The following TMEM135 variants were observed in gnomAD, a reference collection of about 807,000 sequenced individuals.
The protein encoded by TMEM135 is transmembrane protein 135, also known as peroxisomal membrane protein 52.
In TMEM135, 30 loss-of-function variants were observed where a neutral mutation model predicts 60.3. The ratio of observed to expected loss-of-function variants is 0.50; its 90% CI spans 0.37 to 0.68. TMEM135 has a LOEUF of 0.68. Ranked by LOEUF, TMEM135 falls within the 30% of genes least tolerant of loss-of-function variation. The probability of loss-of-function intolerance (pLI) is 0.00; values close to 1 mark genes in which losing one functional copy is unlikely to be tolerated. For synonymous variants in TMEM135, 190 were observed against 186.7 expected, an observed-to-expected ratio of 1.02 and a Z score of -0.14; for missense variants, 468 against 548.8, an observed-to-expected ratio of 0.85 and a Z score of 1.47.
chr11:87,324,395 C>T lies in TMEM135; in HGVS notation c.*3062C>T. Reference sequence around the variant, plus strand: ...TTTTGGAGCAGAGAAATTATTAGCCCAGAGATTCCTTAAATTCTCCGTGTG... The same window carrying T: ...TTTTGGAGCAGAGAAATTATTAGCCTAGAGATTCCTTAAATTCTCCGTGTG... On this transcript the variant is annotated 3_prime_UTR_variant, in exon 15 of 15. Transcript: ENST00000305494. 1 of 453,850 alleles carries T rather than the reference C, an allele frequency of 2.2e-6. No individual in the cohort carries two copies. 28.1% of individuals were successfully genotyped at this position (453,850 alleles called of 1,614,324 possible).
intron 6 of TMEM135, among the ~76,000 whole-genome samples, chr11:87,274,596 A>G (rs1256159643): frequency 6.6e-6 from 1 of 152,194 alleles, no homozygotes; most frequent in Non-Finnish European, 1.5e-5. Flanking sequence ...GTAGGAGTGA[A>G]TGAACTCTTG....
chr11:87,110,476 T>C (rs149113752), intron 4 of TMEM135, among the ~76,000 whole-genome samples: 9 of 151,718 alleles, frequency 5.9e-5, no homozygotes, highest in Admixed American at 5.9e-4. Flanking sequence ...AAAAAAAAAT[T>C]GAATCCTGGT....
intron 1 of TMEM135, 102 bp downstream of exon 1, chr11:87,038,288 C>A: frequency 1.8e-6 from 2 of 1,117,462 alleles, no homozygotes; most frequent in Non-Finnish European, 2.5e-6. Context: ...TGCCTTGTGT[C>A]GGGCTCTCTT....
intron 5 of TMEM135, among the ~76,000 whole-genome samples, chr11:87,196,181 C>G (rs576905343): frequency 2.6e-5 from 4 of 152,122 alleles, no homozygotes; most frequent in African/African-American, 9.6e-5. Flanking sequence ...ATATTTGTGA[C>G]AGATTTTGGG....
At chr11:87,197,579 A>G (rs1326937261) in intron 5 of TMEM135, among the ~76,000 whole-genome samples, 2 of 150,482 alleles carry the variant, frequency 1.3e-5, no homozygotes, top group East Asian at 1.9e-4. Context: ...GGACTTTCCA[A>G]TTCTGTTAAA....
At chr11:87,118,366 G>T (rs190771073) in intron 4 of TMEM135, among the ~76,000 whole-genome samples, 4 of 152,160 alleles carry the variant, frequency 2.6e-5, no homozygotes, top group Admixed American at 1.3e-4. Flanking sequence ...CCAATGTAAG[G>T]CTCCTTTGTC....
intron 4 of TMEM135, among the ~76,000 whole-genome samples, chr11:87,128,125 T>A (rs1937789904): frequency 6.6e-6 from 1 of 152,222 alleles, no homozygotes; most frequent in African/African-American, 2.4e-5. Context: ...AATAGTGGTA[T>A]GGTCTAGTAA....
At chr11:87,098,703 T>A (rs1320235700) in intron 4 of TMEM135, among the ~76,000 whole-genome samples, 1 of 152,012 alleles carries the variant, frequency 6.6e-6, no homozygotes, top group African/African-American at 2.4e-5. Context: ...ATATATATTT[T>A]TTTGAGATGG....
At chr11:87,168,514 T>C (rs1382740823) in intron 5 of TMEM135, among the ~76,000 whole-genome samples, 1 of 152,210 alleles carries the variant, frequency 6.6e-6, no homozygotes, top group Non-Finnish European at 1.5e-5. Context: ...GTCTTTGTTC[T>C]CATTGGTTTC....
rs1009102507 is a variant in TMEM135, at chr11:87,322,214, G to T, written c.*881G>T. The T allele has an allele frequency of 2.2e-6, 1 of 454,220 alleles. No individual in the cohort carries two copies. Among genetic ancestry groups the T allele is most frequent in the Non-Finnish European group, 4.4e-6 (1 of 226,738 alleles). 28.1% of individuals were successfully genotyped at this position (454,220 alleles called of 1,614,324 possible). ...ATAGCTCAGTTTATATGCCATTGTT[G>T]TATTAGAAGGGATCAAAATCCTATG... On this transcript the variant is annotated 3_prime_UTR_variant, in exon 15 of 15. Coordinates refer to ENST00000305494, the MANE Select transcript of TMEM135 (RefSeq NM_022918.4).
At chr11:87,070,113 C>T (rs2135140347) in intron 2 of TMEM135, among the ~76,000 whole-genome samples, 1 of 152,108 alleles carries the variant, frequency 6.6e-6, no homozygotes, top group East Asian at 1.9e-4. Flanking sequence ...TTTCGGGCTA[C>T]AGTGAACCAT....
chr11:87,316,281 T>TGAGAGA (rs201255812), intron 12 of TMEM135, among the ~76,000 whole-genome samples: 3 of 150,970 alleles, frequency 2.0e-5, no homozygotes, highest in Admixed American at 6.6e-5. Flanking sequence ...TGTGTGTGTG[T>TGAGAGA]GTGTGAGAGA....
chr11:87,235,190 G>A (rs968222048), intron 5 of TMEM135, among the ~76,000 whole-genome samples: 10 of 151,942 alleles, frequency 6.6e-5, no homozygotes, highest in Non-Finnish European at 8.8e-5. Context: ...CATGCTTTAA[G>A]TTATGTTTCT....
At chr11:87,138,380 T>C (rs1020912938) in intron 4 of TMEM135, among the ~76,000 whole-genome samples, 2 of 152,206 alleles carry the variant, frequency 1.3e-5, no homozygotes, top group Non-Finnish European at 2.9e-5. Context: ...TTTGAGCCAC[T>C]GCGCCCAGCT....
chr11:87,041,377 G>A (rs1295393351), intron 1 of TMEM135, among the ~76,000 whole-genome samples: 1 of 151,918 alleles, frequency 6.6e-6, no homozygotes, highest in Admixed American at 6.6e-5. Flanking sequence ...GAACAAAGGG[G>A]TTACAAGTAC....
At chr11:87,288,755 C>G (rs1169004818) in intron 6 of TMEM135, among the ~76,000 whole-genome samples, 1 of 152,144 alleles carries the variant, frequency 6.6e-6, no homozygotes, top group Non-Finnish European at 1.5e-5. Flanking sequence ...TGTATCCTTT[C>G]TCATATCAAG....
chr11:87,253,522 T>G (rs535619879), intron 6 of TMEM135, among the ~76,000 whole-genome samples: 1 of 151,906 alleles, frequency 6.6e-6, no homozygotes, highest in South Asian at 2.1e-4. Context: ...ACTAATATGT[T>G]ATTCATTGCT....
At chr11:87,243,076 G>T (rs1317425948) in intron 6 of TMEM135, among the ~76,000 whole-genome samples, 12 of 123,508 alleles carry the variant, frequency 9.7e-5, no homozygotes, top group Non-Finnish European at 1.6e-4. Flanking sequence ...CATATGGCTA[G>T]CCAGTTTTCC....
intron 5 of TMEM135, among the ~76,000 whole-genome samples, chr11:87,179,710 GTTAAA>G (rs1287760250): frequency 6.6e-6 from 1 of 152,008 alleles, no homozygotes; most frequent in Non-Finnish European, 1.5e-5. Context: ...TGGCATCTTT[GTTAAA>G]AAACAGTTGA....
Sources: gnomAD v4.1 joint callset for allele counts (sites outside exome capture counted in the v4.1 genomes callset) on GRCh38, gnomAD v4.1.1 for gene constraint, MANE v1.5 for transcripts, NCBI Gene and HGNC (gene_info 2026-07-23, HGNC 2026-07-21) for gene names.